SIPA1L3: variants seen among roughly 807,000 people sequenced by gnomAD.
SIPA1L3 encodes signal induced proliferation associated 1 like 3, also known as signal-induced proliferation-associated 1-like protein 3.
In SIPA1L3, 59 loss-of-function variants were observed where a neutral mutation model predicts 150.1. That is an observed-to-expected ratio of 0.39 (90% CI 0.32 to 0.49). The LOEUF is 0.49. SIPA1L3 is among the 20% of genes least tolerant of loss of function. SIPA1L3 has a pLI of 0.86. For missense variants in SIPA1L3, 2,211 were observed against 2,489.5 expected (o/e 0.89, Z 2.38); for synonymous variants, 1,070 against 1,077.6 (o/e 0.99, Z 0.14).
intron 19 of SIPA1L3, among the ~76,000 whole-genome samples, chr19:38,199,285 A>C (rs976172603): frequency 4.6e-5 from 7 of 152,208 alleles, no homozygotes; most frequent in African/African-American, 1.7e-4. Flanking sequence ...GACAGTGGGA[A>C]GTGAGGAAGG....
chr19:37,999,370 T>C (rs1405092192), intron 1 of SIPA1L3, among the ~76,000 whole-genome samples: 3 of 152,194 alleles, frequency 2.0e-5, no homozygotes, highest in Non-Finnish European at 4.4e-5. Flanking sequence ...AAAACGTAAC[T>C]GGCCAATCTT....
chr19:38,176,654 C>A (rs1049589271), intron 15 of SIPA1L3, among the ~76,000 whole-genome samples: 2 of 152,176 alleles, frequency 1.3e-5, no homozygotes, highest in Admixed American at 6.6e-5. Context: ...TTTCTCTAAA[C>A]CTTTACCAAC....
Position 38,047,397 on chromosome 19 carries a change from G to C in SIPA1L3, c.-311+18241G>C, listed in dbSNP as rs1185635349. 6.6e-6 allele frequency among the ~76,000 whole-genome samples: 1 copy of C among 152,148 alleles called. No homozygotes were observed. The highest frequency in any genetic ancestry group is 2.4e-5 in the African/African-American group (1 of 41,420). Reference sequence around the variant, plus strand: ...CCTGTGAGCTCCTGTTTGACCATAGGAATTCTGTGTCTTGTGCATTGCCAT... The same window carrying C: ...CCTGTGAGCTCCTGTTTGACCATAGCAATTCTGTGTCTTGTGCATTGCCAT... On this transcript the variant is annotated intron_variant, in intron 2 of 21. Coordinates refer to ENST00000222345, the MANE Select transcript of SIPA1L3 (RefSeq NM_015073.3). This position sits in a 1 kb window ranked among gnomAD's most constrained non-coding sequence, Gnocchi z 4.7.
chr19:37,960,859 T>TA (rs894366123), intron 1 of SIPA1L3, among the ~76,000 whole-genome samples: 21 of 150,822 alleles, frequency 1.4e-4, no homozygotes, highest in Middle Eastern at 3.4e-3. Context: ...CAGCCAATTT[T>TA]AAAAAAAAAT....
In SIPA1L3 at chr19:38,030,623, A is replaced by AATACATATATAT. The variant is rs1250170240; in HGVS notation, c.-311+1470_-311+1471insCATATATATATA. ...ATATTTTATATATATATATGTGGCAAATATATATATATATATATATATATA... is the reference window on the plus strand; with the variant it reads ...ATATTTTATATATATATATGTGGCAAATACATATATATATATATATATATATATATATATATA... On this transcript the variant is annotated intron_variant, in intron 2 of 21. Coordinates refer to ENST00000222345, the MANE Select transcript of SIPA1L3 (RefSeq NM_015073.3). Among the ~76,000 whole-genome samples the AATACATATATAT allele has an allele frequency of 4.5e-3, 191 of 42,618 alleles. 15 individuals carry two copies. Among genetic ancestry groups the AATACATATATAT allele is most frequent in the South Asian group, 0.014 (18 of 1,296 alleles). 28.0% of individuals were successfully genotyped at this position (42,618 alleles called of 152,430 possible).
Position 38,152,907 on chromosome 19 carries a change from G to A in SIPA1L3, c.3601G>A (p.Gly1201Ser), listed in dbSNP as rs775072098. 5.5e-5 allele frequency: 89 copies of A among 1,613,596 alleles called. No homozygotes were observed. Among genetic ancestry groups the A allele is most frequent in the Non-Finnish European group, 7.0e-5 (83 of 1,179,850 alleles). Reference sequence around the variant, plus strand: ...CTTCAGCCACGATGGGACGTCCAGCGGCGACTCCTCTTCCGGCGGCCTGAC... The same window carrying A: ...CTTCAGCCACGATGGGACGTCCAGCAGCGACTCCTCTTCCGGCGGCCTGAC... ...PHFSHDGTSSGDSSSGGLTSQ... is the reference protein window; with the variant it reads ...PHFSHDGTSSSDSSSGGLTSQ... Residue 1201 changes from glycine to serine, a missense_variant, in exon 13 of 22, where the codon GGC (glycine) becomes AGC (serine). This residue lies in a region of SIPA1L3 where 806 missense variants were observed against 870.1 expected (regional missense o/e 0.93). Coordinates refer to ENST00000222345, the MANE Select transcript of SIPA1L3 (RefSeq NM_015073.3).
At chr19:38,186,144 A>G (rs1156716123) in intron 16 of SIPA1L3, 1 of 152,268 alleles carries the variant, frequency 6.6e-6, no homozygotes, top group African/African-American at 2.4e-5. Context: ...TGGAGAGACA[A>G]CAACCCTATC....
At position 38,004,802 on chromosome 19, in the gene SIPA1L3, C is replaced by G. The variant is rs112005820; in HGVS notation, c.-378-24287C>G. Among the ~76,000 whole-genome samples the G allele has an allele frequency of 9.7e-3, 1,473 of 152,250 alleles. 30 individuals carry two copies. Among genetic ancestry groups the G allele is most frequent in the African/African-American group, 0.034 (1,392 of 41,536 alleles). Reference sequence around the variant, plus strand: ...GGGATTGGAACCAGGACACACATGCCACTGTATCTGCATTCTCTTCCTCAC... The same window carrying G: ...GGGATTGGAACCAGGACACACATGCGACTGTATCTGCATTCTCTTCCTCAC... On this transcript the variant is annotated intron_variant, in intron 1 of 21. Coordinates refer to ENST00000222345, the MANE Select transcript of SIPA1L3 (RefSeq NM_015073.3).
chr19:38,101,398 T>G (rs544551920), intron 6 of SIPA1L3, among the ~76,000 whole-genome samples, 172 bp downstream of exon 6: 1 of 152,250 alleles, frequency 6.6e-6, no homozygotes, highest in African/African-American at 2.4e-5. Context: ...CGTGTTGTTG[T>G]ACTTGTTGTT....
chr19:38,040,237 G>A (rs1370438121), intron 2 of SIPA1L3, among the ~76,000 whole-genome samples: 2 of 152,120 alleles, frequency 1.3e-5, no homozygotes, highest in African/African-American at 4.8e-5. Flanking sequence ...TCATCTACAC[G>A]TATTTCCAGA....
chr19:38,053,582 G>T (rs1406931152), intron 2 of SIPA1L3, among the ~76,000 whole-genome samples: 2 of 151,578 alleles, frequency 1.3e-5, no homozygotes, highest in Non-Finnish European at 2.9e-5. Flanking sequence ...TGGAGATGGG[G>T]GTCTCGCTGT....
intron 8 of SIPA1L3, among the ~76,000 whole-genome samples, chr19:38,113,003 T>TCACCAGGC (rs1970800734): frequency 2.0e-5 from 3 of 151,814 alleles, no homozygotes; most frequent in Admixed American, 2.0e-4. Context: ...AGGTCAGGAG[T>TCACCAGGC]TGGAGACCAG....
chr19:38,070,312 C>G (rs573934692), intron 2 of SIPA1L3, among the ~76,000 whole-genome samples: 3 of 152,050 alleles, frequency 2.0e-5, no homozygotes, highest in Non-Finnish European at 4.4e-5. Flanking sequence ...TGGGCTCAAG[C>G]GATCCTCCCA....
At chr19:37,993,853 G>GT (rs1283910199) in intron 1 of SIPA1L3, among the ~76,000 whole-genome samples, 1 of 152,152 alleles carries the variant, frequency 6.6e-6, no homozygotes, top group Admixed American at 6.6e-5. Context: ...TTTAATAGCT[G>GT]TACTTTTATT....
At chr19:37,954,676 C>A (rs1461522017) in intron 1 of SIPA1L3, among the ~76,000 whole-genome samples, 4 of 152,134 alleles carry the variant, frequency 2.6e-5, no homozygotes, top group African/African-American at 9.7e-5. Flanking sequence ...GCTTTAAGAA[C>A]CAGGCGGTTT....
At position 37,956,482 on chromosome 19, in the gene SIPA1L3, G is replaced by T. The variant is rs536462540; in HGVS notation, c.-379+49124G>T. Among the ~76,000 whole-genome samples the T allele has an allele frequency of 7.1e-5, 9 of 126,886 alleles. 2 individuals are homozygous for T. The highest frequency in any genetic ancestry group is 7.0e-4 in the East Asian group (3 of 4,308). 83.2% of individuals were successfully genotyped at this position (126,886 alleles called of 152,430 possible). ...TAGTCATGCCTTTGGAAGTATAAAA[G>T]TTTTGTTTTTTTTTTTTTTTGAGAC... On this transcript the variant is annotated intron_variant, in intron 1 of 21. Transcript: ENST00000222345.
intron 2 of SIPA1L3, among the ~76,000 whole-genome samples, chr19:38,080,074 A>G (rs1199856084): frequency 1.3e-5 from 2 of 152,214 alleles, no homozygotes; most frequent in African/African-American, 2.4e-5. Flanking sequence ...TAATGCAGTA[A>G]GTAGTCACTG....
chr19:38,078,556 G>GCACA (rs1237768692), intron 2 of SIPA1L3, among the ~76,000 whole-genome samples: 1 of 134,214 alleles, frequency 7.5e-6, no homozygotes, highest in Non-Finnish European at 1.6e-5. Context: ...ACACAGACAC[G>GCACA]CACACAGACA....
rs748422340 is a variant in SIPA1L3 at position 38,100,155 on chromosome 19, G to C, written c.1854+5G>C. 1 of 1,552,122 alleles carries C rather than the reference G, an allele frequency of 6.4e-7. No individual in the cohort carries two copies. On this transcript the variant is annotated splice_donor_5th_base_variant and intron_variant, in intron 5 of 21. Coordinates refer to ENST00000222345, the MANE Select transcript of SIPA1L3 (RefSeq NM_015073.3). Reference sequence around the variant, plus strand: ...CTGAAGCTCGATGAGCAAGGGGTGAGTCAGGGGCTGGAGGTGGGGGTGCTG... The same window carrying C: ...CTGAAGCTCGATGAGCAAGGGGTGACTCAGGGGCTGGAGGTGGGGGTGCTG...
Sources: allele counts gnomAD v4.1 joint callset (sites outside exome capture counted in the v4.1 genomes callset), GRCh38; gene constraint gnomAD v4.1.1; regional missense constraint gnomAD v4.1.1; non-coding constraint Gnocchi (gnomAD v3.1); transcripts MANE v1.5; gene names NCBI Gene and HGNC (gene_info 2026-07-23, HGNC 2026-07-21).